Variants in JAKMIP2 observed in about 807,000 individuals in gnomAD.
JAKMIP2 encodes the protein janus kinase and microtubule interacting protein 2.
A neutral mutation model predicts 115.0 loss-of-function variants in JAKMIP2; 25 were observed. The ratio of observed to expected loss-of-function variants is 0.22; its 90% CI spans 0.16 to 0.30. The LOEUF (loss-of-function observed/expected upper bound fraction) is 0.30, where lower values mean the gene tolerates loss of function less well. Among genes scored for constraint, JAKMIP2 ranks in the 10% least tolerant of loss-of-function variants. The pLI, the probability that JAKMIP2 is intolerant of heterozygous loss-of-function variation, is 1.00. For synonymous variants in JAKMIP2, 334 were observed against 343.6 expected (o/e 0.97, Z 0.31); for missense variants, 642 against 957.6 (o/e 0.67, Z 4.35).
intron 1 of JAKMIP2, among the ~76,000 whole-genome samples, chr5:147,765,110 A>C (rs978868112): frequency 6.6e-6 from 1 of 151,486 alleles, no homozygotes; most frequent in African/African-American, 2.4e-5. Flanking sequence ...CTCATAATAG[A>C]TACATTAAAA....
At chr5:147,770,866 A>G (rs1295796379) in intron 1 of JAKMIP2, among the ~76,000 whole-genome samples, 1 of 152,134 alleles carries the variant, frequency 6.6e-6, no homozygotes, top group Non-Finnish European at 1.5e-5. Flanking sequence ...TGAATCCTGG[A>G]TTACACTGTA....
At chr5:147,736,208 C>A (rs1753916132) in intron 1 of JAKMIP2, among the ~76,000 whole-genome samples, 1 of 151,964 alleles carries the variant, frequency 6.6e-6, no homozygotes, top group South Asian at 2.1e-4. Flanking sequence ...GTAATCCCAG[C>A]ACTTTGAGAG....
At chr5:147,614,425 A>T (rs992650630) in intron 19 of JAKMIP2, among the ~76,000 whole-genome samples, 1 of 152,144 alleles carries the variant, frequency 6.6e-6, no homozygotes, top group Non-Finnish European at 1.5e-5. Flanking sequence ...TTTGCTTCCC[A>T]TCCCTTTGCC....
intron 9 of JAKMIP2, 46 bp from the exon 10 acceptor site, chr5:147,639,806 G>A (rs780394589): frequency 1.3e-6 from 2 of 1,588,466 alleles, no homozygotes; most frequent in Non-Finnish European, 8.5e-7. Flanking sequence ...GTTATGTTCA[G>A]GTCCTGTTTT....
chr5:147,715,710 G>A (rs982693995), intron 1 of JAKMIP2, among the ~76,000 whole-genome samples: 10 of 151,818 alleles, frequency 6.6e-5, no homozygotes, highest in African/African-American at 1.9e-4. Flanking sequence ...GACCATAGTC[G>A]TAGTAGGAGT....
chr5:147,765,196 T>C (rs1230570664), intron 1 of JAKMIP2, among the ~76,000 whole-genome samples: 2 of 151,944 alleles, frequency 1.3e-5, no homozygotes, highest in Non-Finnish European at 2.9e-5. Context: ...AAAATAATGG[T>C]TTATCACAAT....
At chr5:147,746,429 G>A (rs994806858) in intron 1 of JAKMIP2, among the ~76,000 whole-genome samples, 1 of 151,818 alleles carries the variant, frequency 6.6e-6, no homozygotes, top group Non-Finnish European at 1.5e-5. Flanking sequence ...TGGGACTTTA[G>A]GTTCCCTTAT....
intron 1 of JAKMIP2, among the ~76,000 whole-genome samples, chr5:147,701,625 T>G (rs1040519907): frequency 1.3e-5 from 2 of 152,168 alleles, no homozygotes; most frequent in South Asian, 4.1e-4. Context: ...GAAGGATGAC[T>G]TGTGGCTCCA....
intron 1 of JAKMIP2, among the ~76,000 whole-genome samples, chr5:147,760,466 T>C (rs1754894521): frequency 6.7e-6 from 1 of 148,890 alleles, no homozygotes; most frequent in Non-Finnish European, 1.5e-5. Context: ...AAGCCATTAA[T>C]AAGAAAAGTG....
chr5:147,756,340 C>T (rs556362076), intron 1 of JAKMIP2, among the ~76,000 whole-genome samples: 2 of 152,178 alleles, frequency 1.3e-5, no homozygotes, highest in African/African-American at 4.8e-5. Context: ...GCCCTCACTC[C>T]TTACTCTGGT....
In JAKMIP2 at chr5:147,587,392, T is replaced by C. The variant is rs1754915851; in HGVS notation, c.*4315A>G. ...GCAACAAGCAATGCAACTCCCAAAT[T>C]ACAGAGCAAATTTCTATTGCTCTGT... On this transcript the variant is annotated 3_prime_UTR_variant, in exon 22 of 22. Coordinates refer to ENST00000616793, the MANE Select transcript of JAKMIP2 (RefSeq NM_001270941.2). 2 of 147,734 alleles carry C rather than the reference T, an allele frequency of 1.4e-5. No homozygotes were observed. The highest frequency in any genetic ancestry group is 7.0e-5 in the Admixed American group (1 of 14,384). 9.2% of individuals were successfully genotyped at this position (147,734 alleles called of 1,614,324 possible).
At chr5:147,624,065 C>T (rs1424646105) in intron 16 of JAKMIP2, among the ~76,000 whole-genome samples, 1 of 151,974 alleles carries the variant, frequency 6.6e-6, no homozygotes, top group East Asian at 1.9e-4. Flanking sequence ...GAACTCTTGA[C>T]CTCATGATCC....
chr5:147,737,389 G>T (rs1753966549), intron 1 of JAKMIP2, among the ~76,000 whole-genome samples: 1 of 152,142 alleles, frequency 6.6e-6, no homozygotes, highest in Non-Finnish European at 1.5e-5. Context: ...ATAGCACTGA[G>T]ATTTTTATTT....
intron 1 of JAKMIP2, among the ~76,000 whole-genome samples, chr5:147,708,088 T>C (rs1752647471): frequency 6.6e-6 from 1 of 152,230 alleles, no homozygotes; most frequent in African/African-American, 2.4e-5. Context: ...TGTGCAACTA[T>C]TGAGTCAAAG....
At chr5:147,730,467 G>GT (rs1753687108) in intron 1 of JAKMIP2, among the ~76,000 whole-genome samples, 1 of 148,192 alleles carries the variant, frequency 6.7e-6, no homozygotes, top group South Asian at 2.1e-4. Context: ...TTTTGTTATT[G>GT]TTTTTTTGAG....
chr5:147,640,785 G>C lies in JAKMIP2; in HGVS notation c.1320C>G (p.Asp440Glu), dbSNP rs758408526. The C allele has an allele frequency of 2.5e-6, 4 of 1,613,080 alleles. No homozygotes were observed. The African/African-American group carries it at 5.3e-5, about 22-fold the overall frequency. The part of the protein sequence containing the change: ...VLDPFIGYDE[D>E]SMDSETSSMA... ...TGGATGATGTCTCTGAATCCATAGAGTCCTCATCATAGCCAATAAACGGGT... is the reference window on the plus strand; with the variant it reads ...TGGATGATGTCTCTGAATCCATAGACTCCTCATCATAGCCAATAAACGGGT... The change falls in exon 9 of 22, where the codon GAC becomes GAG. Residue 440 changes from aspartate to glutamate, a missense_variant. Coordinates refer to ENST00000616793, the MANE Select transcript of JAKMIP2 (RefSeq NM_001270941.2).
chr5:147,651,741 A>C (rs1301169926), intron 3 of JAKMIP2, among the ~76,000 whole-genome samples: 5 of 152,186 alleles, frequency 3.3e-5, no homozygotes, highest in East Asian at 3.9e-4. Context: ...ATTCTGAGAG[A>C]GCTTTGGGCT....
intron 1 of JAKMIP2, among the ~76,000 whole-genome samples, chr5:147,690,540 TA>T (rs1168163115): frequency 0.35 from 361 of 1,028 alleles, 5 homozygotes; most frequent in African/African-American, 0.48. Context: ...CTAAAGAGAT[TA>T]TATATATATA....
chr5:147,593,045 A>G (rs541264782), intron 21 of JAKMIP2, among the ~76,000 whole-genome samples: 1 of 152,344 alleles, frequency 6.6e-6, no homozygotes, highest in South Asian at 2.1e-4. Flanking sequence ...TGGTGGATTC[A>G]CAGAGGCATA....
Sources: allele counts gnomAD v4.1 joint callset (sites outside exome capture counted in the v4.1 genomes callset), GRCh38; gene constraint gnomAD v4.1.1; transcripts MANE v1.5; gene names NCBI Gene and HGNC (gene_info 2026-07-23, HGNC 2026-07-21).